Variants in RCOR1 observed in about 807,000 individuals in gnomAD.
The protein encoded by RCOR1 is REST corepressor 1, also known as REST corepressor.
A neutral mutation model predicts 64.0 loss-of-function variants in RCOR1; 12 were observed. The observed-to-expected ratio is 0.19, with a 90% confidence interval of 0.12 to 0.30. The LOEUF is 0.30. RCOR1 is among the 10% of genes least tolerant of loss of function. The probability of loss-of-function intolerance (pLI) is 1.00; values close to 1 mark genes in which losing one functional copy is unlikely to be tolerated. For missense variants in RCOR1, 502 were observed against 621.2 expected (o/e 0.81, Z 2.04); for synonymous variants, 279 against 227.2 (o/e 1.23, Z -2.05).
At chr14:102,681,526 TATTGCCAAGTC>T (rs1164779493) in intron 2 of RCOR1, among the ~76,000 whole-genome samples, 1 of 152,278 alleles carries the variant, frequency 6.6e-6, no homozygotes, top group African/African-American at 2.4e-5. Context: ...TTGGGATTTC[TATTGCCAAGTC>T]ACTAAAAAGT....
At chr14:102,649,066 C>A (rs7161114) in intron 2 of RCOR1, among the ~76,000 whole-genome samples, 1,777 of 100,936 alleles carry the variant, frequency 0.018, 29 homozygotes, top group African/African-American at 0.044. Flanking sequence ...GCAAAAAAAA[C>A]AAAAAAAAAA....
chr14:102,592,838 T>G lies in RCOR1; in HGVS notation c.-49T>G. 2 of 1,165,784 alleles carry G rather than the reference T, an allele frequency of 1.7e-6. No homozygotes were observed. The highest frequency in any genetic ancestry group is 2.1e-6 in the Non-Finnish European group (2 of 949,422). The allele number at this position is 1,165,784 out of a possible 1,614,324, so 72.2% of individuals were successfully genotyped here. A position where few individuals can be genotyped will look rare whatever the true frequency, so the allele number is the denominator to read the frequency against. ...CCTCCCCCGTCTCGGCGCCCCCTCCTCAGGAGCCGCGGGTCCCCGCCACTT... is the reference window on the plus strand; with the variant it reads ...CCTCCCCCGTCTCGGCGCCCCCTCCGCAGGAGCCGCGGGTCCCCGCCACTT... On this transcript the variant is annotated 5_prime_UTR_variant, in exon 1 of 12. Transcript: ENST00000262241.
intron 2 of RCOR1, among the ~76,000 whole-genome samples, chr14:102,660,677 T>A (rs1010247377): frequency 1.3e-5 from 2 of 152,294 alleles, no homozygotes; most frequent in African/African-American, 2.4e-5. Context: ...AAAATTAACT[T>A]TTTAATCTAT....
chr14:102,604,224 A>G (rs564964479), intron 2 of RCOR1, among the ~76,000 whole-genome samples: 1 of 152,258 alleles, frequency 6.6e-6, no homozygotes, highest in African/African-American at 2.4e-5. Context: ...CTCTGATTTA[A>G]TTTTTGCCTA....
chr14:102,633,526 TA>T (rs1000423495), intron 2 of RCOR1, among the ~76,000 whole-genome samples: 10 of 151,938 alleles, frequency 6.6e-5, no homozygotes, highest in African/African-American at 2.2e-4. Flanking sequence ...TAGTTGCAAT[TA>T]AAAATGGAGG....
intron 2 of RCOR1, among the ~76,000 whole-genome samples, chr14:102,641,270 A>G (rs1167040624): frequency 2.6e-5 from 4 of 151,962 alleles, no homozygotes; most frequent in Non-Finnish European, 5.9e-5. Context: ...AAAGAAAACC[A>G]GAAAAGAATT....
intron 2 of RCOR1, among the ~76,000 whole-genome samples, chr14:102,644,960 C>T (rs1420834225): frequency 3.3e-5 from 5 of 152,136 alleles, no homozygotes; most frequent in African/African-American, 1.2e-4. Context: ...GAGTAGTTTT[C>T]TTAGCCTTTG....
At chr14:102,683,566 C>A (rs561043322) in intron 3 of RCOR1, among the ~76,000 whole-genome samples, 1 of 152,244 alleles carries the variant, frequency 6.6e-6, no homozygotes, top group African/African-American at 2.4e-5. Context: ...CCCTACTGTT[C>A]CACCAGCGGG....
At chr14:102,637,131 A>AT (rs370969846) in intron 2 of RCOR1, among the ~76,000 whole-genome samples, 20,869 of 141,428 alleles carry the variant, frequency 0.15, 1,653 homozygotes, top group Middle Eastern at 0.21. Context: ...TTGTTTTTTT[A>AT]TTTTTTTTTT....
intron 2 of RCOR1, among the ~76,000 whole-genome samples, chr14:102,623,796 C>G (rs1260609531): frequency 6.6e-6 from 1 of 151,638 alleles, no homozygotes; most frequent in East Asian, 2.0e-4. Flanking sequence ...GTGGCTCACG[C>G]CTGTAATCCC....
chr14:102,652,510 T>TAAGG (rs1399766414), intron 2 of RCOR1, among the ~76,000 whole-genome samples: 2 of 152,136 alleles, frequency 1.3e-5, no homozygotes, highest in African/African-American at 4.8e-5. Flanking sequence ...ATTATATTAT[T>TAAGG]TGTTTCTTTT....
At chr14:102,664,639 C>T (rs986640789) in intron 2 of RCOR1, among the ~76,000 whole-genome samples, 3 of 152,146 alleles carry the variant, frequency 2.0e-5, no homozygotes, top group Non-Finnish European at 4.4e-5. Context: ...ACTTGTCGGT[C>T]TGGATTGCTG....
intron 2 of RCOR1, among the ~76,000 whole-genome samples, chr14:102,616,242 G>GTA (rs1018891020): frequency 9.6e-6 from 1 of 104,344 alleles, no homozygotes; most frequent in South Asian, 3.6e-4. Flanking sequence ...GTGTGTGTGT[G>GTA]TGTGTGTATG....
In RCOR1 at chr14:102,593,172, A is replaced by G. The variant is rs748376240; in HGVS notation, c.286A>G (p.Ser96Gly). 1 of 1,516,538 alleles carries G rather than the reference A, an allele frequency of 6.6e-7. No individual in the cohort carries two copies. The highest frequency in any genetic ancestry group is 1.2e-5 in the South Asian group (1 of 80,022). 93.9% of individuals were successfully genotyped at this position (1,516,538 alleles called of 1,614,324 possible). A position where few individuals can be genotyped will look rare whatever the true frequency, so the allele number is the denominator to read the frequency against. The change falls in exon 1 of 12, where the codon AGC becomes GGC. Residue 96 changes from serine (S) to glycine (G), a missense_variant. This residue lies in a region of RCOR1 where 242 missense variants were observed against 204.9 expected (regional missense o/e 1.18). Transcript: ENST00000262241. Reference protein sequence around the residue: ...SWEEGSSGSSSDEEHGGGGMR... With the variant: ...SWEEGSSGSSGDEEHGGGGMR... ...GGAGGAAGGCAGCTCGGGCTCGTCC[A>G]GCGACGAGGAGCACGGTAGGTGGCA...
In RCOR1 at chr14:102,722,343, C is replaced by A. The variant is rs759431737; in HGVS notation, c.1346C>A (p.Thr449Asn). 1.9e-6 allele frequency: 3 copies of A among 1,614,076 alleles called. No individual in the cohort carries two copies. In the Admixed American group the frequency reaches 5.0e-5, roughly 27 times the overall value. Residue 449 changes from threonine to asparagine, a missense_variant, in exon 11 of 12, where the codon ACC becomes AAC. Physicochemically the swap from Thr to Asn is moderately conservative, Grantham distance 65. Around this residue, in one of 2 missense-constraint regions of RCOR1, gnomAD observed 260 missense variants for 416.4 expected, o/e 0.62. Transcript: ENST00000262241. The stretch of plus-strand genomic sequence containing the variant: ...GAGGCAGAACATGGTAAAGAAGAGA[C>A]CAATGGGCCCAGTAACCAGAAGCCT... ...EWEAEHGKEE[T>N]NGPSNQKPVK...
chr14:102,662,136 G>A (rs79503763), intron 2 of RCOR1: 4,313 of 365,102 alleles, frequency 0.012, 157 homozygotes, highest in African/African-American at 0.077. Flanking sequence ...TTCATGTATG[G>A]TTTTCCCAAG....
chr14:102,651,847 T>C (rs1272532266), intron 2 of RCOR1, among the ~76,000 whole-genome samples: 1 of 152,154 alleles, frequency 6.6e-6, no homozygotes, highest in African/African-American at 2.4e-5. Flanking sequence ...GTGCTGGGAT[T>C]ATAGGCATGA....
chr14:102,639,545 ATT>A (rs1894320833), intron 2 of RCOR1, among the ~76,000 whole-genome samples: 1 of 142,848 alleles, frequency 7.0e-6, no homozygotes, highest in Non-Finnish European at 1.5e-5. Context: ...TTATTTATTT[ATT>A]TATTGAGATG....
At chr14:102,624,097 G>A (rs1162981864) in intron 2 of RCOR1, among the ~76,000 whole-genome samples, 1 of 151,970 alleles carries the variant, frequency 6.6e-6, no homozygotes, top group African/African-American at 2.4e-5. Context: ...TTGGGAGGCT[G>A]AGGCAGGAGA....
Sources: gnomAD v4.1 joint callset for allele counts (sites outside exome capture counted in the v4.1 genomes callset) on GRCh38, gnomAD v4.1.1 for gene constraint, gnomAD v4.1.1 regional missense constraint, MANE v1.5 for transcripts, NCBI Gene and HGNC (gene_info 2026-07-23, HGNC 2026-07-21) for gene names.